Variants in EFR3B observed in about 807,000 individuals in gnomAD.
EFR3B encodes EFR3 homolog B, also known as protein EFR3 homolog B.
Under a neutral mutation model 104.7 loss-of-function variants are expected in EFR3B, and 64 were observed. The observed-to-expected ratio is 0.61, with a 90% CI of 0.50 to 0.75. The LOEUF (loss-of-function observed/expected upper bound fraction) is 0.75, where lower values mean the gene tolerates loss of function less well. Among genes scored for constraint, EFR3B ranks in the 30% least tolerant of loss-of-function variants. EFR3B has a pLI of 0.00. For missense variants in EFR3B, 750 were observed against 1,078.5 expected (o/e 0.70, Z 4.27); for synonymous variants, 385 against 417.9 (o/e 0.92, Z 0.96).
In EFR3B at chr2:25,042,520, C is replaced by G; in HGVS notation, c.7+201C>G. ...TGCCTCGGGCCGGGGACCCTGGGGT[C>G]CTCTCCAGGCCCGGCGCGTGCCGGT... On this transcript the variant is annotated intron_variant, in intron 1 of 22. Coordinates refer to ENST00000403714, the MANE Select transcript of EFR3B (RefSeq NM_014971.2). This position sits in a 1 kb window ranked among gnomAD's most constrained non-coding sequence, Gnocchi z 5.4. 1 of 1,207,430 alleles carries G rather than the reference C, an allele frequency of 8.3e-7. No individual in the cohort carries two copies. Among genetic ancestry groups the G allele is most frequent in the Admixed American group, 4.4e-5 (1 of 22,904 alleles). The allele number at this position is 1,207,430 out of a possible 1,614,324, so 74.8% of individuals were successfully genotyped here. A position where few individuals can be genotyped will look rare whatever the true frequency, so the allele number is the denominator to read the frequency against.
intron 1 of EFR3B, among the ~76,000 whole-genome samples, chr2:25,077,806 T>C: frequency 6.6e-6 from 1 of 152,248 alleles, no homozygotes; most frequent in East Asian, 1.9e-4. Flanking sequence ...TTTATAAATT[T>C]ATACCCATGA....
chr2:25,141,388 A>G lies in EFR3B; in HGVS notation c.1877A>G (p.Glu626Gly). 1.3e-6 allele frequency: 2 copies of G among 1,551,538 alleles called. No homozygotes were observed. The highest frequency in any genetic ancestry group is 4.9e-5 in the East Asian group (2 of 40,906). The change falls in exon 17 of 23, where the codon GAG becomes GGG. Residue 626 changes from glutamate (E) to glycine (G), a missense_variant. Coordinates refer to ENST00000403714, the MANE Select transcript of EFR3B (RefSeq NM_014971.2). ...CAGGTGATAGAGACCAGGAAGAAAG[A>G]GGCTCCATACATGCTCCCCGAGGAT... is the stretch of plus-strand genomic sequence containing the variant. ...IHEVIETRKK[E>G]APYMLPEDVF...
chr2:25,120,737 C>A (rs557234413), intron 4 of EFR3B, among the ~76,000 whole-genome samples: 1 of 152,216 alleles, frequency 6.6e-6, no homozygotes, highest in Non-Finnish European at 1.5e-5. Flanking sequence ...ACTGTTGCTT[C>A]TCTGCAGGAC....
At chr2:25,087,360 T>G (rs1668981658) in intron 1 of EFR3B, among the ~76,000 whole-genome samples, 1 of 97,382 alleles carries the variant, frequency 1.0e-5, no homozygotes, top group African/African-American at 3.3e-5. Context: ...TCTTCATATA[T>G]GTATATATAT....
intron 1 of EFR3B, among the ~76,000 whole-genome samples, chr2:25,062,989 C>A (rs893968010): frequency 6.6e-6 from 1 of 151,876 alleles, no homozygotes; most frequent in African/African-American, 2.4e-5. Flanking sequence ...AGTGGCGCGA[C>A]CTCGGCTCAC....
At chr2:25,100,330 T>A (rs1669396975) in intron 3 of EFR3B, among the ~76,000 whole-genome samples, 1 of 152,234 alleles carries the variant, frequency 6.6e-6, no homozygotes, top group East Asian at 1.9e-4. Context: ...TGAACCTGAC[T>A]TTAGAGTTTT....
chr2:25,065,358 T>A (rs1668305689), intron 1 of EFR3B, among the ~76,000 whole-genome samples: 1 of 149,458 alleles, frequency 6.7e-6, no homozygotes, highest in African/African-American at 2.5e-5. Flanking sequence ...TTTTTTTTTT[T>A]TTTTTTTTTT....
At position 25,139,781 on chromosome 2, in the gene EFR3B, C is replaced by T. The variant is rs1412254033; in HGVS notation, c.1854+591C>T. ...TTAAACAAATATTTTAAAACAAATC[C>T]CAGCTATCCTGTCCTTTCACTCTAT... On this transcript the variant is annotated intron_variant, in intron 16 of 22. Coordinates refer to ENST00000403714, the MANE Select transcript of EFR3B (RefSeq NM_014971.2). 2.0e-5 allele frequency among the ~76,000 whole-genome samples: 3 copies of T among 152,138 alleles called. No individual in the cohort carries two copies. The East Asian group carries it at 5.8e-4, about 29-fold the overall frequency.
At chr2:25,043,213 C>G (rs1378052866) in intron 1 of EFR3B, among the ~76,000 whole-genome samples, 1 of 152,128 alleles carries the variant, frequency 6.6e-6, no homozygotes, top group African/African-American at 2.4e-5. Context: ...AGACATAAGT[C>G]CATGAAAACC....
At chr2:25,111,724 C>T (rs1008100357) in intron 4 of EFR3B, among the ~76,000 whole-genome samples, 1 of 152,120 alleles carries the variant, frequency 6.6e-6, no homozygotes, top group East Asian at 1.9e-4. Context: ...CAGAAGGGGA[C>T]GTGATGATGG....
Position 25,121,944 on chromosome 2 carries a change from G to C in EFR3B, c.485+150G>C. On this transcript the variant is annotated intron_variant, in intron 5 of 22. Transcript: ENST00000403714. ...TGCCGGGCAGGTGGGCCAGCACCCA[G>C]CTCCCTACATGTGGTTTCTGTTTTT... The C allele has an allele frequency of 3.8e-6, 4 of 1,051,796 alleles. No homozygotes were observed. The South Asian group carries it at 5.0e-5, about 13-fold the overall frequency. The allele number at this position is 1,051,796 out of a possible 1,614,324, so 65.2% of individuals were successfully genotyped here. A position where few individuals can be genotyped will look rare whatever the true frequency, so the allele number is the denominator to read the frequency against.
At chr2:25,113,390 A>G (rs1669774090) in intron 4 of EFR3B, among the ~76,000 whole-genome samples, 2 of 152,196 alleles carry the variant, frequency 1.3e-5, no homozygotes, top group Admixed American at 6.5e-5. Context: ...ATGGATTTAA[A>G]GAAATAGTGA....
chr2:25,103,857 C>T, intron 4 of EFR3B, 70 bp downstream of exon 4: 1 of 1,532,780 alleles, frequency 6.5e-7, no homozygotes, highest in Admixed American at 2.0e-5. Flanking sequence ...AGAGGGAGAC[C>T]TCGGGGTCGG....
intron 1 of EFR3B, among the ~76,000 whole-genome samples, chr2:25,064,874 C>G (rs970260945): frequency 6.6e-6 from 1 of 152,094 alleles, no homozygotes; most frequent in African/African-American, 2.4e-5. Flanking sequence ...AAGTGAATAC[C>G]AATCAAGTTA....
At chr2:25,111,539 G>T (rs1669726098) in intron 4 of EFR3B, among the ~76,000 whole-genome samples, 1 of 152,178 alleles carries the variant, frequency 6.6e-6, no homozygotes, top group Non-Finnish European at 1.5e-5. Flanking sequence ...TCCCACGGTT[G>T]CCTATGTCCT....
rs1351881814 is a variant in EFR3B, at chr2:25,137,832, C to A, written c.1722+330C>A. On this transcript the variant is annotated intron_variant, in intron 15 of 22. Coordinates refer to ENST00000403714, the MANE Select transcript of EFR3B (RefSeq NM_014971.2). The surrounding 1 kb of genome is among the most constrained non-coding windows in gnomAD (Gnocchi z 4.7). ...CTCCAGGGATTCTTAAAAGGATGCT[C>A]ATAAGCCCTGAGTGATCCCAGACAA... Among the ~76,000 whole-genome samples, 1 of 152,196 alleles carries A rather than the reference C, an allele frequency of 6.6e-6. No individual in the cohort carries two copies. Among genetic ancestry groups the A allele is most frequent in the African/African-American group, 2.4e-5 (1 of 41,452 alleles).
chr2:25,145,150 T>C, intron 19 of EFR3B, 99 bp downstream of exon 19: 2 of 1,082,482 alleles, frequency 1.8e-6, no homozygotes, highest in Non-Finnish European at 2.8e-6. Context: ...TAAGGCTGCA[T>C]GGAAAGCAAG....
intron 3 of EFR3B, among the ~76,000 whole-genome samples, chr2:25,096,358 G>A (rs893735668): frequency 2.6e-5 from 4 of 152,176 alleles, no homozygotes; most frequent in Non-Finnish European, 4.4e-5. Context: ...ATCTCCTCTA[G>A]CCTTTCTCCT....
intron 1 of EFR3B, among the ~76,000 whole-genome samples, chr2:25,085,171 C>T (rs191089486): frequency 1.8e-4 from 28 of 152,232 alleles, no homozygotes; most frequent in African/African-American, 6.3e-4. Context: ...TTTTTCGATT[C>T]TTTGGCAAAT....
Sources: allele counts gnomAD v4.1 joint callset (sites outside exome capture counted in the v4.1 genomes callset), GRCh38; gene constraint gnomAD v4.1.1; non-coding constraint Gnocchi (gnomAD v3.1); transcripts MANE v1.5; gene names NCBI Gene and HGNC (gene_info 2026-07-23, HGNC 2026-07-21).